The following KANK1 variants were observed in gnomAD, a reference collection of about 807,000 sequenced individuals.
KANK1 encodes KN motif and ankyrin repeat domain-containing protein 1.
In KANK1, 109 loss-of-function variants were observed where a neutral mutation model predicts 106.2. That is an observed-to-expected ratio of 1.03 (90% CI 0.88 to 1.20). KANK1 has a LOEUF of 1.20. KANK1 is among the 50% of genes most tolerant of loss of function. The probability of loss-of-function intolerance (pLI) is 0.00; values close to 1 mark genes in which losing one functional copy is unlikely to be tolerated. For missense variants in KANK1, 2,399 were observed against 1,710.7 expected (o/e 1.40, Z -7.10); for synonymous variants, 873 against 652.2 (o/e 1.34, Z -5.16).
intron 3 of KANK1, among the ~76,000 whole-genome samples, chr9:728,626 T>C (rs79029834): frequency 2.4e-4 from 36 of 152,344 alleles, no homozygotes; most frequent in Admixed American, 7.2e-4. Flanking sequence ...CTGGTACCTA[T>C]TTAGGTCTGA....
intron 2 of KANK1, among the ~76,000 whole-genome samples, chr9:680,375 C>T (rs183727494): frequency 3.3e-5 from 5 of 152,016 alleles, no homozygotes; most frequent in Non-Finnish European, 5.9e-5. Context: ...TATACTCTGA[C>T]TTCCCCTTGG....
At chr9:683,551 G>T (rs1334594779) in intron 2 of KANK1, among the ~76,000 whole-genome samples, 1 of 152,162 alleles carries the variant, frequency 6.6e-6, no homozygotes, top group Non-Finnish European at 1.5e-5. Context: ...TTTGTTCAAG[G>T]TTATTTATTA....
intron 2 of KANK1, among the ~76,000 whole-genome samples, chr9:701,960 G>A (rs1822784934): frequency 6.6e-6 from 1 of 152,150 alleles, no homozygotes; most frequent in South Asian, 2.1e-4. Context: ...ATTTCTCACT[G>A]TTCTTGAGGC....
At chr9:552,902 T>G (rs923227024) in intron 1 of KANK1, among the ~76,000 whole-genome samples, 1 of 152,192 alleles carries the variant, frequency 6.6e-6, no homozygotes, top group Non-Finnish European at 1.5e-5. Flanking sequence ...CCTAGGACTT[T>G]GGGAAGCCAA....
chr9:730,985 T>C, intron 4 of KANK1, 173 bp from the exon 5 acceptor site: 1 of 414,506 alleles, frequency 2.4e-6, no homozygotes. Flanking sequence ...AATGGAACTT[T>C]GAATTATTTT....
chr9:620,435 G>A (rs1832880051), intron 1 of KANK1, among the ~76,000 whole-genome samples: 1 of 151,898 alleles, frequency 6.6e-6, no homozygotes, highest in South Asian at 2.1e-4. Flanking sequence ...GTCTCGCACT[G>A]TCACCCGGGC....
chr9:566,131 C>G (rs1435118947), intron 1 of KANK1, among the ~76,000 whole-genome samples: 2 of 152,168 alleles, frequency 1.3e-5, no homozygotes, highest in Admixed American at 1.3e-4. Flanking sequence ...GTTTTCTGTT[C>G]CTGCGTTAGT....
At position 479,117 on chromosome 9, in the gene KANK1, T is replaced by A. The variant is rs373784518; in HGVS notation, c.-362+5844T>A. On this transcript the variant is annotated intron_variant, in intron 3 of 15. Transcript: ENST00000382303. ...ACTTGTCTTGCATAGGCATGATTAT[T>A]GCAAATAACTGCAATGCATATCAGT... is the stretch of plus-strand genomic sequence containing the variant. Among the ~76,000 whole-genome samples the A allele has an allele frequency of 7.9e-5, 12 of 152,308 alleles. No homozygotes were observed. The East Asian group carries it at 1.5e-3, about 20-fold the overall frequency.
intron 5 of KANK1, chr9:731,519 A>C (rs1251089806): frequency 9.9e-6 from 3 of 302,728 alleles, no homozygotes; most frequent in African/African-American, 6.6e-5. Flanking sequence ...ATCTGAAAGA[A>C]ATAGTCTTCA....
intron 2 of KANK1, chr9:686,916 A>G (rs1291257872): frequency 1.1e-5 from 11 of 985,274 alleles, no homozygotes; most frequent in Non-Finnish European, 1.2e-5. Flanking sequence ...AACATCTTCT[A>G]GAAAGGTAAA....
At chr9:679,101 C>G (rs1228520601) in intron 2 of KANK1, among the ~76,000 whole-genome samples, 1 of 152,122 alleles carries the variant, frequency 6.6e-6, no homozygotes, top group East Asian at 1.9e-4. Context: ...CCTAACAGGT[C>G]TGGGCATTGA....
chr9:717,962 ACT>A (rs1828169065), intron 3 of KANK1, among the ~76,000 whole-genome samples: 1 of 151,908 alleles, frequency 6.6e-6, no homozygotes, highest in South Asian at 2.1e-4. Flanking sequence ...CCGTATTTAT[ACT>A]CTTAGTTATC....
intron 1 of KANK1, among the ~76,000 whole-genome samples, chr9:638,600 T>C (rs1837669493): frequency 2.6e-5 from 4 of 152,214 alleles, no homozygotes; most frequent in Non-Finnish European, 5.9e-5. Flanking sequence ...AGGCAAAATA[T>C]TTGGCAAAGA....
At position 520,669 on chromosome 9, in the gene KANK1, A is replaced by T. The variant is rs183107980; in HGVS notation, c.-84+15915A>T. On this transcript the variant is annotated intron_variant, in intron 1 of 11. Transcript: ENST00000382297. ...AGTTTTTAGAATTGGTTAAATCTGC[A>T]CTTTGGGTTTTATTTTGAAAAGATT... Among the ~76,000 whole-genome samples the T allele has an allele frequency of 4.6e-5, 7 of 151,916 alleles. 1 individual carries two copies. Among genetic ancestry groups the T allele is most frequent in the African/African-American group, 1.7e-4 (7 of 41,204 alleles).
intron 1 of KANK1, among the ~76,000 whole-genome samples, chr9:601,822 C>A (rs1057199303): frequency 6.6e-6 from 1 of 151,812 alleles, no homozygotes; most frequent in Non-Finnish European, 1.5e-5. Flanking sequence ...CTTGTATTTT[C>A]CTTGCCCTAC....
intron 1 of KANK1, among the ~76,000 whole-genome samples, chr9:603,827 G>T (rs141898773): frequency 1.3e-5 from 2 of 151,222 alleles, no homozygotes; most frequent in African/African-American, 4.9e-5. Flanking sequence ...GGGTGTGGTG[G>T]TGTGCGCCAT....
chr9:703,270 G>T (rs530679205), intron 2 of KANK1, among the ~76,000 whole-genome samples: 1 of 152,116 alleles, frequency 6.6e-6, no homozygotes, highest in Non-Finnish European at 1.5e-5. Flanking sequence ...GGGATTACAG[G>T]CATGAGTCTC....
Position 710,932 on chromosome 9 carries a change from A to C in KANK1, c.166A>C (p.Asn56His). 1 of 1,614,190 alleles carries C rather than the reference A, an allele frequency of 6.2e-7. No homozygotes were observed. The highest frequency in any genetic ancestry group is 8.5e-7 in the Non-Finnish European group (1 of 1,180,026). ...ATATGTGGATGACATACAGAAGGGA[A>C]ATACCATCAAAAGACTGAACATCCA... Reference protein sequence around the residue: ...LKYVDDIQKGNTIKRLNIQKR... With the variant: ...LKYVDDIQKGHTIKRLNIQKR... The change falls in exon 3 of 12, where the codon AAT becomes CAT. Residue 56 changes from asparagine to histidine, a missense_variant. Transcript: ENST00000382297.
chr9:595,022 G>GA (rs528071481), intron 1 of KANK1, among the ~76,000 whole-genome samples: 5 of 151,500 alleles, frequency 3.3e-5, no homozygotes, highest in East Asian at 1.9e-4. Context: ...GATTCGAAAA[G>GA]AAAAAAAAGA....
Sources: allele counts gnomAD v4.1 joint callset (sites outside exome capture counted in the v4.1 genomes callset), GRCh38; gene constraint gnomAD v4.1.1; transcripts MANE v1.5; gene names NCBI Gene and HGNC (gene_info 2026-07-23, HGNC 2026-07-21).